Variants in DOCK7 observed in about 807,000 individuals in gnomAD.
The protein encoded by DOCK7 is dedicator of cytokinesis protein 7.
A neutral mutation model predicts 271.0 loss-of-function variants in DOCK7; 138 were observed. The observed-to-expected ratio is 0.51, with a 90% CI of 0.44 to 0.59. DOCK7 has a LOEUF of 0.59. Among genes scored for constraint, DOCK7 ranks in the 20% least tolerant of loss-of-function variants. DOCK7 has a pLI of 0.00. For missense variants in DOCK7, 2,066 were observed against 2,592.4 expected (o/e 0.80, Z 4.41); for synonymous variants, 823 against 876.1 (o/e 0.94, Z 1.07).
At position 62,462,444 on chromosome 1, in the gene DOCK7, T is replaced by C. The variant is rs1025160191; in HGVS notation, c.6213-4739A>G. On this transcript the variant is annotated intron_variant, in intron 48 of 49. Transcript: ENST00000635253. ...TGACATTAGCTGAAAGAGAGATAAA[T>C]AGAGTACTGTAGGAGAATAAAGATC... Among the ~76,000 whole-genome samples, 3 of 152,136 alleles carry C rather than the reference T, an allele frequency of 2.0e-5. No homozygotes were observed. The South Asian group carries it at 6.2e-4, about 31-fold the overall frequency.
In DOCK7 at chr1:62,559,185, A is replaced by G. The variant is rs780363286; in HGVS notation, c.2235T>C (p.Asn745=). The change falls in exon 20 of 50, where the codon AAT becomes AAC. Residue 745 remains asparagine, a synonymous_variant. Transcript: ENST00000635253. ...CTGGGAACAGGTGTTCATCCAGAGC[A>G]TTGACCAGAGCAAAAAATTTGTCAA... is the stretch of plus-strand genomic sequence containing the variant. The part of the protein sequence containing the change: ...PYLDKFFALV[N]ALDEHLFPVR... The G allele has an allele frequency of 2.5e-6, 4 of 1,613,454 alleles. No homozygotes were observed. Among genetic ancestry groups the G allele is most frequent in the Non-Finnish European group, 3.4e-6 (4 of 1,179,680 alleles).
chr1:62,672,908 C>T (rs1660168027), intron 1 of DOCK7, among the ~76,000 whole-genome samples: 1 of 152,020 alleles, frequency 6.6e-6, no homozygotes, highest in Admixed American at 6.5e-5. Context: ...TTCCAAAACC[C>T]AGCCTTTCAC....
intron 41 of DOCK7, among the ~76,000 whole-genome samples, chr1:62,491,589 A>C (rs1386072457): frequency 1.3e-5 from 2 of 152,268 alleles, no homozygotes; most frequent in Non-Finnish European, 2.9e-5. Context: ...CAGTTCATAA[A>C]ACTAAAGAGT....
intron 37 of DOCK7, among the ~76,000 whole-genome samples, chr1:62,498,019 T>C (rs1040921618): frequency 2.6e-5 from 4 of 151,874 alleles, no homozygotes; most frequent in African/African-American, 9.7e-5. Flanking sequence ...TCCCAGCAGT[T>C]TGGGAGGCCA....
At chr1:62,653,880 A>C (rs1657668397) in intron 3 of DOCK7, 87 bp from the exon 4 acceptor site, 14 of 1,486,000 alleles carry the variant, frequency 9.4e-6, no homozygotes, top group African/African-American at 1.4e-5. Context: ...CTGTTTGCGT[A>C]ACAGGAAATG....
At chr1:62,584,868 C>T (rs997085203) in intron 15 of DOCK7, 3 of 717,088 alleles carry the variant, frequency 4.2e-6, no homozygotes, top group Admixed American at 4.0e-5. Flanking sequence ...AGGATGGGTG[C>T]AGCTGGGGCT....
intron 4 of DOCK7, among the ~76,000 whole-genome samples, chr1:62,651,766 C>T (rs1421370063): frequency 6.6e-6 from 1 of 152,236 alleles, no homozygotes; most frequent in African/African-American, 2.4e-5. Flanking sequence ...GTTCCATTAA[C>T]TATTTCCTAA....
chr1:62,674,315 C>T (rs1046499542), intron 1 of DOCK7, among the ~76,000 whole-genome samples: 1 of 151,998 alleles, frequency 6.6e-6, no homozygotes, highest in Admixed American at 6.6e-5. Flanking sequence ...ATAGACCCCC[C>T]CCACCAACCA....
At chr1:62,620,322 AAAATAAAT>A (rs534928121) in intron 12 of DOCK7, among the ~76,000 whole-genome samples, 2 of 141,896 alleles carry the variant, frequency 1.4e-5, no homozygotes, top group East Asian at 1.9e-4. Context: ...CTCAAAAATA[AAAATAAAT>A]AAATAAATAA....
At chr1:62,653,897 C>T (rs1657670073) in intron 3 of DOCK7, 87 bp downstream of exon 3, 11 of 1,511,492 alleles carry the variant, frequency 7.3e-6, no homozygotes, top group Non-Finnish European at 7.3e-6. Flanking sequence ...AATGATGATG[C>T]TATAAGAAGT....
chr1:62,567,916 T>G lies in DOCK7; in HGVS notation c.2113-6213A>C, dbSNP rs1012714896. On this transcript the variant is annotated intron_variant, in intron 18 of 49. Coordinates refer to ENST00000635253, the MANE Select transcript of DOCK7 (RefSeq NM_001367561.1). ...CTAAAACAAGTGGACCTGATAGATA[T>G]CTACAGAACTCTCCATCCCAAAACA... Among the ~76,000 whole-genome samples, 4 of 152,134 alleles carry G rather than the reference T, an allele frequency of 2.6e-5. 1 individual carries two copies. Among genetic ancestry groups the G allele is most frequent in the African/African-American group, 9.7e-5 (4 of 41,436 alleles).
intron 33 of DOCK7, 56 bp from the exon 34 acceptor site, chr1:62,510,729 T>C (rs1441320781): frequency 3.8e-6 from 5 of 1,306,582 alleles, no homozygotes; most frequent in South Asian, 2.5e-5. Flanking sequence ...GGACCACATA[T>C]ATGTATACTT....
intron 14 of DOCK7, chr1:62,609,147 A>T (rs1483637591): frequency 6.6e-6 from 1 of 152,218 alleles, no homozygotes; most frequent in African/African-American, 2.4e-5. Flanking sequence ...TGGCAAATCA[A>T]CTAGGGTAAA....
chr1:62,549,216 AG>A (rs2149413400), intron 22 of DOCK7, among the ~76,000 whole-genome samples: 1 of 152,328 alleles, frequency 6.6e-6, no homozygotes, highest in East Asian at 1.9e-4. Context: ...TAAATCACAG[AG>A]GAAAAAAAAA....
intron 18 of DOCK7, among the ~76,000 whole-genome samples, chr1:62,570,658 C>T (rs1009433790): frequency 6.6e-6 from 1 of 152,150 alleles, no homozygotes. Flanking sequence ...TCAAACTATA[C>T]TGAAAGGGTA....
intron 22 of DOCK7, among the ~76,000 whole-genome samples, chr1:62,548,033 T>C (rs1645767279): frequency 6.6e-6 from 1 of 152,178 alleles, no homozygotes; most frequent in Non-Finnish European, 1.5e-5. Flanking sequence ...CATACTAACA[T>C]TTCTTCATTG....
intron 48 of DOCK7, among the ~76,000 whole-genome samples, chr1:62,471,736 G>GT (rs1645836675): frequency 6.6e-6 from 1 of 152,184 alleles, no homozygotes; most frequent in South Asian, 2.1e-4. Flanking sequence ...AAGATCCATT[G>GT]TAGTATAAAC....
chr1:62,598,664 C>A, intron 14 of DOCK7: 1 of 1,224,180 alleles, frequency 8.2e-7, no homozygotes, highest in Non-Finnish European at 1.2e-6. Context: ...AAGAGGAAAG[C>A]AACTTATAAC....
In DOCK7 at chr1:62,590,204, G is replaced by C. The variant is rs143409410; in HGVS notation, c.1683-3580C>G. Among the ~76,000 whole-genome samples the C allele has an allele frequency of 1.9e-3, 287 of 152,236 alleles. 1 individual carries two copies. The highest frequency in any genetic ancestry group is 0.014 in the Middle Eastern group (4 of 294). ...CTCAGGCTGCAAACAGATAAAAGTA[G>C]GGTCAGGAATAAAAAGGAGGTAAGA... On this transcript the variant is annotated intron_variant, in intron 14 of 49. Transcript: ENST00000635253.
Sources: allele counts gnomAD v4.1 joint callset (sites outside exome capture counted in the v4.1 genomes callset), GRCh38; gene constraint gnomAD v4.1.1; transcripts MANE v1.5; gene names NCBI Gene and HGNC (gene_info 2026-07-23, HGNC 2026-07-21).